The following GRID2 variants were observed in gnomAD, a reference collection of about 807,000 sequenced individuals.
GRID2 encodes the protein glutamate ionotropic receptor delta type subunit 2.
Under a neutral mutation model 114.8 loss-of-function variants are expected in GRID2, and 33 were observed. That is an observed-to-expected ratio of 0.29 (90% CI 0.22 to 0.38). The LOEUF (loss-of-function observed/expected upper bound fraction) is 0.38. GRID2 is among the 10% of genes least tolerant of loss of function. The pLI, the probability that GRID2 is intolerant of heterozygous loss-of-function variation, is 1.00. For missense variants in GRID2, 1,184 were observed against 1,257.7 expected (o/e 0.94, Z 0.89); for synonymous variants, 505 against 449.9 (o/e 1.12, Z -1.55).
At chr4:93,415,165 T>C (rs1046525833) in intron 9 of GRID2, among the ~76,000 whole-genome samples, 1 of 152,156 alleles carries the variant, frequency 6.6e-6, no homozygotes, top group Non-Finnish European at 1.5e-5. Flanking sequence ...AAGTCTTCCA[T>C]TAAATACTTG....
At chr4:92,444,904 C>CT (rs896287966) in intron 1 of GRID2, among the ~76,000 whole-genome samples, 7 of 151,800 alleles carry the variant, frequency 4.6e-5, no homozygotes, top group African/African-American at 9.7e-5. Context: ...AAAGTGAAGA[C>CT]TTTTTTTTCA....
At chr4:92,782,611 T>C (rs1467578020) in intron 2 of GRID2, among the ~76,000 whole-genome samples, 1 of 152,152 alleles carries the variant, frequency 6.6e-6, no homozygotes, top group Non-Finnish European at 1.5e-5. Context: ...AAGACTTTAA[T>C]TACTAGGCTT....
At chr4:93,206,905 G>GACTA (rs1275260897) in intron 4 of GRID2, among the ~76,000 whole-genome samples, 4 of 151,942 alleles carry the variant, frequency 2.6e-5, no homozygotes, top group African/African-American at 9.7e-5. Context: ...ACATTTTCAG[G>GACTA]AGAATACAGA....
At chr4:93,296,588 T>C (rs1754333968) in intron 8 of GRID2, among the ~76,000 whole-genome samples, 1 of 152,178 alleles carries the variant, frequency 6.6e-6, no homozygotes, top group Admixed American at 6.5e-5. Context: ...TTCTTTTACA[T>C]GCAAACATCC....
chr4:92,467,145 T>A (rs1721799720), intron 1 of GRID2, among the ~76,000 whole-genome samples: 1 of 151,818 alleles, frequency 6.6e-6, no homozygotes, highest in African/African-American at 2.4e-5. Context: ...GTTTTAGGAT[T>A]TACACAATAT....
intron 1 of GRID2, among the ~76,000 whole-genome samples, chr4:92,512,146 A>G (rs955497896): frequency 2.6e-5 from 4 of 151,756 alleles, no homozygotes; most frequent in Admixed American, 1.3e-4. Flanking sequence ...CAATTGGCTT[A>G]TTTCACTTAG....
chr4:93,388,006 A>G (rs1390325915), intron 8 of GRID2, among the ~76,000 whole-genome samples: 1 of 152,124 alleles, frequency 6.6e-6, no homozygotes. Context: ...TTTTTCTTGA[A>G]CACGTGGAAA....
chr4:93,003,224 T>A (rs1721184749), intron 2 of GRID2, among the ~76,000 whole-genome samples: 1 of 151,938 alleles, frequency 6.6e-6, no homozygotes, highest in African/African-American at 2.4e-5. Flanking sequence ...TTAATCTTTT[T>A]ATTCAGTAAA....
At chr4:93,434,286 G>C (rs189887353) in intron 10 of GRID2, among the ~76,000 whole-genome samples, 2 of 152,198 alleles carry the variant, frequency 1.3e-5, no homozygotes, top group African/African-American at 2.4e-5. Flanking sequence ...GTGAGAGAAA[G>C]ACCAAAGCCG....
chr4:93,765,608 T>TTATATATATATATATATATATATA (rs66550272), intron 14 of GRID2, among the ~76,000 whole-genome samples: 9 of 29,478 alleles, frequency 3.1e-4, no homozygotes, highest in African/African-American at 1.1e-3. Flanking sequence ...AGGTGAGGTA[T>TTATATATATATATATATATATATA]TATATATATA....
chr4:93,613,640 G>T (rs1417594730), intron 13 of GRID2, among the ~76,000 whole-genome samples: 1 of 126,916 alleles, frequency 7.9e-6, no homozygotes, highest in African/African-American at 2.8e-5. Context: ...CAGGGGTCAG[G>T]GACCCACTTG....
intron 2 of GRID2, among the ~76,000 whole-genome samples, chr4:92,953,515 CAT>C (rs1050208745): frequency 2.0e-5 from 3 of 152,084 alleles, no homozygotes; most frequent in Non-Finnish European, 2.9e-5. Context: ...GGGAAATAAA[CAT>C]ATTTTAATAT....
In GRID2 at chr4:93,082,027, T is replaced by C. The variant is rs1174596431; in HGVS notation, c.245-2968T>C. Among the ~76,000 whole-genome samples, 2 of 152,196 alleles carry C rather than the reference T, an allele frequency of 1.3e-5. 1 individual carries two copies. The highest frequency in any genetic ancestry group is 6.3e-3 in the Middle Eastern group (2 of 316). On this transcript the variant is annotated intron_variant, in intron 2 of 15. Coordinates refer to ENST00000282020, the MANE Select transcript of GRID2 (RefSeq NM_001510.4). Reference sequence around the variant, plus strand: ...TAGATCCAAAGCAAATCAATTTCTATCTGCCATGCTTCAACCGACATTTTG... The same window carrying C: ...TAGATCCAAAGCAAATCAATTTCTACCTGCCATGCTTCAACCGACATTTTG...
chr4:93,012,081 G>GA (rs34374242), intron 2 of GRID2, among the ~76,000 whole-genome samples: 68,796 of 125,192 alleles, frequency 0.55, 18,187 homozygotes, highest in Middle Eastern at 0.68. Flanking sequence ...TTATCAGGCT[G>GA]AAAAAAAAAA....
intron 2 of GRID2, among the ~76,000 whole-genome samples, chr4:92,958,932 T>C (rs1279492722): frequency 6.6e-6 from 1 of 152,018 alleles, no homozygotes; most frequent in African/African-American, 2.4e-5. Flanking sequence ...CTGTTTCAAC[T>C]AGGTTATCAA....
intron 2 of GRID2, among the ~76,000 whole-genome samples, chr4:92,839,684 GA>G (rs1742740777): frequency 6.6e-6 from 1 of 151,886 alleles, no homozygotes; most frequent in Admixed American, 6.6e-5. Flanking sequence ...AGTCAGAGAA[GA>G]TGCTTGATAT....
chr4:93,673,767 T>C (rs1369466), intron 14 of GRID2, among the ~76,000 whole-genome samples: 88,228 of 152,028 alleles, frequency 0.58, 27,502 homozygotes, highest in African/African-American at 0.83. Context: ...CCAGGGGTTG[T>C]AAACTCAAAT....
intron 2 of GRID2, among the ~76,000 whole-genome samples, chr4:92,950,046 G>A (rs149104527): frequency 3.1e-4 from 47 of 152,188 alleles, no homozygotes; most frequent in African/African-American, 1.0e-3. Context: ...AAAGAATCAA[G>A]ATGAGTCAAT....
In GRID2 at chr4:93,316,276, AAAAGAACGAAAGAACGAAAGAAAGAAAG is replaced by A. The variant is rs1217209435; in HGVS notation, c.1245+77793_1245+77820del. ...AAAAAAGAAAGAAAGAGAAAGAAAG[AAAAGAACGAAAGAACGAAAGAAAGAAAG>A]AAAGAAAGAAAGAAAGAAAGAAAGA... On this transcript the variant is annotated intron_variant, in intron 8 of 15. Coordinates refer to ENST00000282020, the MANE Select transcript of GRID2 (RefSeq NM_001510.4). 2.6e-3 allele frequency among the ~76,000 whole-genome samples: 147 copies of A among 57,318 alleles called. 2 individuals are homozygous for A. The highest frequency in any genetic ancestry group is 4.0e-3 in the Admixed American group (20 of 4,986). The allele number at this position is 57,318 out of a possible 152,430, so 37.6% of individuals were successfully genotyped here.
Sources: allele counts gnomAD v4.1 joint callset (sites outside exome capture counted in the v4.1 genomes callset), GRCh38; gene constraint gnomAD v4.1.1; transcripts MANE v1.5; gene names NCBI Gene and HGNC (gene_info 2026-07-23, HGNC 2026-07-21).